UBE2D4: variants seen among roughly 807,000 people sequenced by gnomAD.
UBE2D4 encodes the protein ubiquitin conjugating enzyme E2 D4.
UBE2D4 carries 17 observed loss-of-function variants against 23.0 expected under a neutral mutation model. The ratio of observed to expected loss-of-function variants is 0.74; its 90% CI spans 0.51 to 1.11. UBE2D4 has a LOEUF of 1.11. Ranked by LOEUF, UBE2D4 falls within the 50% of genes least tolerant of loss-of-function variation. UBE2D4 has a pLI of 0.00. For missense variants in UBE2D4, 139 were observed against 181.8 expected, an observed-to-expected ratio of 0.76 and a Z score of 1.35; for synonymous variants, 61 against 69.4, an observed-to-expected ratio of 0.88 and a Z score of 0.60.
At position 43,954,972 on chromosome 7, in the gene UBE2D4, C is replaced by CTGT. The variant is rs938331871; in HGVS notation, c.*2280_*2282dup. 1.3e-5 allele frequency: 2 copies of CTGT among 152,196 alleles called. No homozygotes were observed. Among genetic ancestry groups the CTGT allele is most frequent in the African/African-American group, 4.8e-5 (2 of 41,466 alleles). The allele number at this position is 152,196 out of a possible 1,614,324, so 9.4% of individuals were successfully genotyped here. On this transcript the variant is annotated 3_prime_UTR_variant, in exon 7 of 7. Coordinates refer to ENST00000222402, the MANE Select transcript of UBE2D4 (RefSeq NM_015983.4). ...CAAAATTTCCCCAAGCCTGCTCTCT[C>CTGT]TGTTGGATATACATAATAGAGAAAG...
Position 43,954,256 on chromosome 7 carries a change from CCTTTTTT to C in UBE2D4, c.*1562_*1568del, listed in dbSNP as rs1302449032. The stretch of plus-strand genomic sequence containing the variant: ...CTGCATCTCACCATGTTGAGGATTG[CCTTTTTT>C]TTTTTTTTTTTTTTTTTTTTTTAAC... On this transcript the variant is annotated 3_prime_UTR_variant, in exon 7 of 7. Coordinates refer to ENST00000222402, the MANE Select transcript of UBE2D4 (RefSeq NM_015983.4). 1.0e-4 allele frequency: 12 copies of C among 119,174 alleles called. No individual in the cohort carries two copies. Among genetic ancestry groups the C allele is most frequent in the Non-Finnish European group, 1.8e-4 (11 of 59,928 alleles). 7.4% of individuals were successfully genotyped at this position (119,174 alleles called of 1,614,324 possible). A position where few individuals can be genotyped will look rare whatever the true frequency, so the allele number is the denominator to read the frequency against.
At chr7:43,948,559 G>C (rs963236706) in intron 4 of UBE2D4, 73 bp from the exon 5 acceptor site, 1 of 1,001,836 alleles carries the variant, frequency 1.0e-6, no homozygotes, top group Non-Finnish European at 1.6e-6. Flanking sequence ...AGCAGCAGCT[G>C]CTTCTGCTTT....
At position 43,931,697 on chromosome 7, in the gene UBE2D4, T is replaced by C. The variant is rs2095945994; in HGVS notation, c.24+5141T>C. 2.6e-5 allele frequency among the ~76,000 whole-genome samples: 4 copies of C among 151,738 alleles called. No homozygotes were observed. The South Asian group carries it at 8.3e-4, about 32-fold the overall frequency. ...GAACAAGGGGAGGTGCTCCACACTT[T>C]TATTTATTTATTTATTTATTTTTGA... On this transcript the variant is annotated intron_variant, in intron 1 of 6. Transcript: ENST00000222402.
chr7:43,936,787 T>G (rs914116626), intron 1 of UBE2D4, among the ~76,000 whole-genome samples: 1 of 152,204 alleles, frequency 6.6e-6, no homozygotes, highest in Non-Finnish European at 1.5e-5. Context: ...CACACAATAG[T>G]ACCGGCAAGT....
At chr7:43,926,675 T>C (rs956753212) in intron 1 of UBE2D4, 119 bp downstream of exon 1, 3 of 1,122,320 alleles carry the variant, frequency 2.7e-6, no homozygotes, top group Admixed American at 3.4e-5. Context: ...TACACCTGCC[T>C]GGGAAGGAGG....
intron 1 of UBE2D4, among the ~76,000 whole-genome samples, chr7:43,927,638 T>G (rs2095935622): frequency 6.6e-6 from 1 of 152,158 alleles, no homozygotes; most frequent in South Asian, 2.1e-4. Flanking sequence ...TTTCCACAAG[T>G]ACATGACTAG....
chr7:43,947,810 C>G (rs1410865561), intron 4 of UBE2D4, among the ~76,000 whole-genome samples: 6 of 152,172 alleles, frequency 3.9e-5, no homozygotes, highest in Non-Finnish European at 8.8e-5. Flanking sequence ...ACTCCCACCA[C>G]CAGTGTAAAA....
At chr7:43,942,572 A>C (rs1585872725) in intron 2 of UBE2D4, 1 of 599,794 alleles carries the variant, frequency 1.7e-6, no homozygotes, top group East Asian at 2.8e-5. Context: ...CTGCGTTTGG[A>C]CCCTCCTGAT....
chr7:43,932,180 G>A (rs568558158), intron 1 of UBE2D4, among the ~76,000 whole-genome samples: 1 of 151,840 alleles, frequency 6.6e-6, no homozygotes, highest in South Asian at 2.1e-4. Context: ...TAGGAGAGAC[G>A]GGGTTTCACC....
chr7:43,927,439 G>A (rs969178210), intron 1 of UBE2D4, among the ~76,000 whole-genome samples: 1 of 151,438 alleles, frequency 6.6e-6, no homozygotes, highest in Non-Finnish European at 1.5e-5. Context: ...CAGCTTCCTG[G>A]GTAGCTGGGA....
At position 43,942,865 on chromosome 7, in the gene UBE2D4, G is replaced by A; in HGVS notation, c.120+8G>A. 1 of 1,614,192 alleles carries A rather than the reference G, an allele frequency of 6.2e-7. No individual in the cohort carries two copies. The highest frequency in any genetic ancestry group is 1.1e-5 in the South Asian group (1 of 91,084). Reference sequence around the variant, plus strand: ...GCCACCATCATGGGCCCGGTAGGTAGTAGCTGCTGAGCGCACCACTCCAGT... The same window carrying A: ...GCCACCATCATGGGCCCGGTAGGTAATAGCTGCTGAGCGCACCACTCCAGT... On this transcript the variant is annotated splice_region_variant and intron_variant, in intron 3 of 6. Transcript: ENST00000222402.
rs2132740674 is a variant in UBE2D4 at position 43,926,477 on chromosome 7, C to G, written c.-56C>G. On this transcript the variant is annotated 5_prime_UTR_variant, in exon 1 of 7. Transcript: ENST00000222402. Reference sequence around the variant, plus strand: ...AGCTTGGTGGCGGCTGAGCCGGCAGCGGGCCGCCTCAGGCAGCCCCGGCCG... The same window carrying G: ...AGCTTGGTGGCGGCTGAGCCGGCAGGGGGCCGCCTCAGGCAGCCCCGGCCG... 1 of 1,416,678 alleles carries G rather than the reference C, an allele frequency of 7.1e-7. No homozygotes were observed. Among genetic ancestry groups the G allele is most frequent in the South Asian group, 1.4e-5 (1 of 69,928 alleles). 87.8% of individuals were successfully genotyped at this position (1,416,678 alleles called of 1,614,324 possible).
intron 1 of UBE2D4, among the ~76,000 whole-genome samples, chr7:43,930,114 A>G (rs2095942235): frequency 2.0e-5 from 3 of 152,254 alleles, no homozygotes. Context: ...GAATATTCTC[A>G]GAAAGCCCAG....
At chr7:43,946,350 G>C (rs192986302) in intron 4 of UBE2D4, 281 of 152,206 alleles carry the variant, frequency 1.8e-3, no homozygotes, top group African/African-American at 6.4e-3. Flanking sequence ...GAAAAAAAAA[G>C]TCAAATGTAG....
chr7:43,928,094 A>G (rs1487136135), intron 1 of UBE2D4: 2 of 453,158 alleles, frequency 4.4e-6, no homozygotes. Context: ...AGCAAAGGAG[A>G]AGCAGGCGTG....
At chr7:43,940,972 T>C (rs1018804525) in intron 2 of UBE2D4, 9 of 152,236 alleles carry the variant, frequency 5.9e-5, no homozygotes, top group African/African-American at 1.7e-4. Flanking sequence ...CTTTGAAATA[T>C]TGAAAAGGGC....
chr7:43,948,939 T>A (rs1489144748), intron 5 of UBE2D4: 1 of 551,582 alleles, frequency 1.8e-6, no homozygotes, highest in Non-Finnish European at 3.3e-6. Flanking sequence ...TCCCTGGCGC[T>A]TCTCAGCAGT....
At chr7:43,931,283 A>G (rs1031365736) in intron 1 of UBE2D4, among the ~76,000 whole-genome samples, 4 of 152,130 alleles carry the variant, frequency 2.6e-5, no homozygotes, top group Non-Finnish European at 4.4e-5. Context: ...CCAAAAATAG[A>G]AAAAATTAGA....
At chr7:43,929,715 A>G (rs1013504212) in intron 1 of UBE2D4, among the ~76,000 whole-genome samples, 1 of 152,234 alleles carries the variant, frequency 6.6e-6, no homozygotes, top group African/African-American at 2.4e-5. Context: ...CTTTGGTTTT[A>G]TGCTCTGCTG....
Sources: allele counts gnomAD v4.1 joint callset (sites outside exome capture counted in the v4.1 genomes callset), GRCh38; gene constraint gnomAD v4.1.1; transcripts MANE v1.5; gene names NCBI Gene and HGNC (gene_info 2026-07-23, HGNC 2026-07-21).